GPR149: variants seen among roughly 807,000 people sequenced by gnomAD.
GPR149 encodes probable G protein-coupled receptor 149.
In GPR149, 50 loss-of-function variants were observed where a neutral mutation model predicts 50.2. That is an observed-to-expected ratio of 1.00 (90% confidence interval 0.79 to 1.26). The LOEUF (loss-of-function observed/expected upper bound fraction) is 1.26, where lower values mean the gene tolerates loss of function less well. Among genes scored for constraint, GPR149 ranks in the 50% most tolerant of loss-of-function variants. The pLI is 0.00. For missense variants in GPR149, 983 were observed against 895.4 expected (o/e 1.10, Z -1.25); for synonymous variants, 405 against 358.2 (o/e 1.13, Z -1.48).
rs899443025 is a variant in GPR149, at chr3:154,395,357, G to A, written c.1623+25682C>T. Among the ~76,000 whole-genome samples the A allele has an allele frequency of 2.6e-4, 36 of 139,738 alleles. No homozygotes were observed. The Admixed American group carries it at 2.8e-3, about 11-fold the overall frequency. 91.7% of individuals were successfully genotyped at this position (139,738 alleles called of 152,430 possible). On this transcript the variant is annotated intron_variant, in intron 3 of 3. Transcript: ENST00000389740. The stretch of plus-strand genomic sequence containing the variant: ...GAACATATACACTCTACCAGTTAAA[G>A]GTAATGTTTTTTAAACCTTGATATA...
intron 3 of GPR149, among the ~76,000 whole-genome samples, chr3:154,366,435 C>G (rs1234293317): frequency 6.6e-6 from 1 of 152,214 alleles, no homozygotes; most frequent in Non-Finnish European, 1.5e-5. Context: ...GGGAAATTTG[C>G]ATCTGTAGAC....
chr3:154,388,871 A>ACAC (rs372504228), intron 3 of GPR149, among the ~76,000 whole-genome samples: 39,966 of 144,698 alleles, frequency 0.28, 5,715 homozygotes, highest in East Asian at 0.43. Context: ...ACATATGAAA[A>ACAC]ACACACACAC....
intron 3 of GPR149, among the ~76,000 whole-genome samples, chr3:154,351,313 C>CAAAAAAAAAAAAAAAAAAAAAA (rs71155003): frequency 1.3e-5 from 1 of 75,528 alleles, no homozygotes; most frequent in Non-Finnish European, 2.4e-5. Flanking sequence ...CATCCACATA[C>CAAAAAAAAAAAAAAAAAAAAAA]AAAAAAAAAA....
At chr3:154,388,485 A>T (rs1471969075) in intron 3 of GPR149, among the ~76,000 whole-genome samples, 2 of 151,648 alleles carry the variant, frequency 1.3e-5, no homozygotes, top group African/African-American at 4.9e-5. Context: ...CTTAGCTACT[A>T]TTTCTGTATT....
chr3:154,426,014 G>A (rs1000213371), intron 2 of GPR149, among the ~76,000 whole-genome samples: 16 of 152,096 alleles, frequency 1.1e-4, no homozygotes, highest in East Asian at 1.9e-4. Context: ...GACCGGGCTC[G>A]TTCACTAGTT....
rs563049634 is a variant in GPR149 at position 154,348,176 on chromosome 3, C to T, written c.1624-9905G>A. Among the ~76,000 whole-genome samples, 5 of 152,280 alleles carry T rather than the reference C, an allele frequency of 3.3e-5. No individual in the cohort carries two copies. The East Asian group carries it at 9.6e-4, about 29-fold the overall frequency. ...TTTTTAAGCTTTCTAATCCTAGTGT[C>T]TAGTGCCAGTAGTTGAGACTAGGAA... On this transcript the variant is annotated intron_variant, in intron 3 of 3. Transcript: ENST00000389740.
At chr3:154,364,674 A>G (rs576131462) in intron 3 of GPR149, among the ~76,000 whole-genome samples, 1 of 152,378 alleles carries the variant, frequency 6.6e-6, no homozygotes, top group East Asian at 1.9e-4. Context: ...AACGTTGAAT[A>G]TCAAGTCTTG....
intron 2 of GPR149, among the ~76,000 whole-genome samples, chr3:154,424,881 C>CA (rs564951442): frequency 0.023 from 2,993 of 127,870 alleles, 35 homozygotes; most frequent in African/African-American, 0.039. Context: ...ATCATTTTGT[C>CA]AAAAAAAAAA....
rs1175398541 is a variant in GPR149, at chr3:154,407,693, TAC to T, written c.1623+13344_1623+13345del. The stretch of plus-strand genomic sequence containing the variant: ...TTCATGTGTGTATATGTCATGTGTA[TAC>T]ACACACACACACACACACACACACA... On this transcript the variant is annotated intron_variant, in intron 3 of 3. Transcript: ENST00000389740. Among the ~76,000 whole-genome samples the T allele has an allele frequency of 2.2e-4, 31 of 140,048 alleles. 2 individuals carry two copies. The highest frequency in any genetic ancestry group is 8.3e-4 in the East Asian group (4 of 4,798). The allele number at this position is 140,048 out of a possible 152,430, so 91.9% of individuals were successfully genotyped here.
chr3:154,407,717 C>CACACACACACACACACACAT (rs1711734732), intron 3 of GPR149, among the ~76,000 whole-genome samples: 1 of 151,776 alleles, frequency 6.6e-6, no homozygotes, highest in Non-Finnish European at 1.5e-5. Flanking sequence ...CACACACACA[C>CACACACACACACACACACAT]ACATATATAT....
chr3:154,340,360 A>G (rs1445177635), intron 3 of GPR149, among the ~76,000 whole-genome samples: 2 of 152,268 alleles, frequency 1.3e-5, no homozygotes, highest in East Asian at 1.9e-4. Context: ...TAAGTGAGAC[A>G]GAGGGACCAC....
intron 3 of GPR149, chr3:154,352,323 G>T (rs1210697438): frequency 6.0e-6 from 6 of 993,012 alleles, no homozygotes; most frequent in Non-Finnish European, 7.7e-6. Flanking sequence ...CCTCCGTTGG[G>T]GATTAGAAGA....
At chr3:154,353,538 G>A in intron 3 of GPR149, 1 of 939,496 alleles carries the variant, frequency 1.1e-6, no homozygotes, top group Non-Finnish European at 1.8e-6. Flanking sequence ...ATGACCAGGG[G>A]TTCCAACCAA....
rs73872826 is a variant in GPR149 at position 154,354,740 on chromosome 3, C to T, written c.1624-16469G>A. ...TTTTGCCTGTCCTTCTTCTGGCTCT[C>T]GGACTCCTCCAAGGGTGTTTTCAGC... On this transcript the variant is annotated intron_variant, in intron 3 of 3. Transcript: ENST00000389740. 5.5e-3 allele frequency: 3,825 copies of T among 691,614 alleles called. 163 individuals carry two copies. In the African/African-American group the frequency reaches 0.07, roughly 13 times the overall value. The allele number at this position is 691,614 out of a possible 1,614,324, so 42.8% of individuals were successfully genotyped here. A position where few individuals can be genotyped will look rare whatever the true frequency, so the allele number is the denominator to read the frequency against.
intron 3 of GPR149, among the ~76,000 whole-genome samples, chr3:154,414,446 CATA>C (rs1400330146): frequency 2.6e-5 from 4 of 151,896 alleles, no homozygotes; most frequent in African/African-American, 7.2e-5. Context: ...ATTACCATCG[CATA>C]ATAATTGTTG....
chr3:154,338,177 T>C lies in GPR149; in HGVS notation c.1718A>G (p.Tyr573Cys). The C allele has an allele frequency of 1.2e-6, 2 of 1,614,008 alleles. No homozygotes were observed. Among genetic ancestry groups the C allele is most frequent in the Non-Finnish European group, 1.7e-6 (2 of 1,179,946 alleles). ...TTTTTGCCCTTCTGCGCTTACCTCATAGGTAGAAAGAGATAGGGTTTTCCC... is the reference window on the plus strand; with the variant it reads ...TTTTTGCCCTTCTGCGCTTACCTCACAGGTAGAAAGAGATAGGGTTTTCCC... ...PTGKTLSLSTYEVSAEGQKIT... is the reference protein window; with the variant it reads ...PTGKTLSLSTCEVSAEGQKIT... Residue 573 changes from tyrosine (Y) to cysteine (C), a missense_variant, in exon 4 of 4, where the codon TAT (tyrosine) becomes TGT (cysteine). Tyr to Cys is a radical substitution (Grantham distance 194). Coordinates refer to ENST00000389740, the MANE Select transcript of GPR149 (RefSeq NM_001038705.3).
At chr3:154,341,268 CA>C (rs949167539) in intron 3 of GPR149, among the ~76,000 whole-genome samples, 8 of 91,426 alleles carry the variant, frequency 8.8e-5, no homozygotes, top group Non-Finnish European at 4.2e-5. Context: ...CCTAGCTGTG[CA>C]AAAAATCAAG....
At chr3:154,385,707 T>TC (rs1056870121) in intron 3 of GPR149, among the ~76,000 whole-genome samples, 10 of 145,990 alleles carry the variant, frequency 6.8e-5, no homozygotes, top group African/African-American at 2.5e-4. Flanking sequence ...TTTCTTTCTT[T>TC]TTTTTTTTTT....
At chr3:154,406,828 T>A (rs1711709235) in intron 3 of GPR149, among the ~76,000 whole-genome samples, 1 of 152,188 alleles carries the variant, frequency 6.6e-6, no homozygotes, top group Admixed American at 6.5e-5. Context: ...GAAGCGCATA[T>A]GCCTTTTGTA....
Sources: gnomAD v4.1 joint callset for allele counts (sites outside exome capture counted in the v4.1 genomes callset) on GRCh38, gnomAD v4.1.1 for gene constraint, MANE v1.5 for transcripts, NCBI Gene and HGNC (gene_info 2026-07-23, HGNC 2026-07-21) for gene names.